FLII: variants seen among roughly 807,000 people sequenced by gnomAD.
FLII encodes protein flightless-1 homolog.
FLII carries 101 observed loss-of-function variants against 156.2 expected under a neutral mutation model. The ratio of observed to expected loss-of-function variants is 0.65; its 90% CI spans 0.55 to 0.76. FLII has a LOEUF of 0.76. FLII is among the 30% of genes least tolerant of loss of function. FLII has a pLI of 0.00. For missense variants in FLII, 1,675 were observed against 1,682.8 expected (o/e 1.00, Z 0.08); for synonymous variants, 767 against 685.8 (o/e 1.12, Z -1.85).
chr17:18,247,481 G>A, intron 20 of FLII, 124 bp from the exon 21 acceptor site: 1 of 1,106,428 alleles, frequency 9.0e-7, no homozygotes. Context: ...CGGGGCCTCG[G>A]ACACGGAGGT....
intron 18 of FLII, 100 bp downstream of exon 18, chr17:18,248,450 C>G (rs539682687): frequency 1.7e-6 from 2 of 1,159,406 alleles, no homozygotes; most frequent in Non-Finnish European, 1.2e-6. Context: ...CCACCAAAGT[C>G]GAGATGGAGC....
chr17:18,258,222 G>A lies in FLII; in HGVS notation c.63+406C>T, dbSNP rs1389935280. 6.6e-6 allele frequency among the ~76,000 whole-genome samples: 1 copy of A among 152,210 alleles called. No individual in the cohort carries two copies. Among genetic ancestry groups the A allele is most frequent in the Non-Finnish European group, 1.5e-5 (1 of 68,018 alleles). ...GGTGGCGGGGAGAGGGCAGTGATGA[G>A]TCGGCTCCACACCCGCCCCTGGGCA... is the stretch of plus-strand genomic sequence containing the variant. On this transcript the variant is annotated intron_variant, in intron 1 of 29. Transcript: ENST00000327031. The surrounding 1 kb of genome is among the most constrained non-coding windows in gnomAD (Gnocchi z 4.2).
rs778949980 is a variant in FLII at position 18,247,156 on chromosome 17, G to A, written c.2676+13C>T. The stretch of plus-strand genomic sequence containing the variant: ...CCCCCCCCCCCGCGCCCCGGTCCCG[G>A]CCCTGCCCCCACCTCGGCCAGCGAC... On this transcript the variant is annotated intron_variant, in intron 21 of 29. Coordinates refer to ENST00000327031, the MANE Select transcript of FLII (RefSeq NM_002018.4). 1.8e-6 allele frequency: 2 copies of A among 1,129,276 alleles called. No individual in the cohort carries two copies. Among genetic ancestry groups the A allele is most frequent in the Admixed American group, 2.8e-5 (1 of 35,894 alleles). The allele number at this position is 1,129,276 out of a possible 1,614,324, so 70.0% of individuals were successfully genotyped here.
rs574853482 is a variant in FLII at position 18,258,352 on chromosome 17, C to T, written c.63+276G>A. The T allele has an allele frequency of 1.0e-4, 83 of 804,262 alleles. 2 individuals carry two copies. In the South Asian group the frequency reaches 1.4e-3, roughly 14 times the overall value. The allele number at this position is 804,262 out of a possible 1,614,324, so 49.8% of individuals were successfully genotyped here. A position where few individuals can be genotyped will look rare whatever the true frequency, so the allele number is the denominator to read the frequency against. On this transcript the variant is annotated intron_variant, in intron 1 of 29. Transcript: ENST00000327031. This position sits in a 1 kb window ranked among gnomAD's most constrained non-coding sequence, Gnocchi z 4.2. ...GCCACCATCCAGCCTAGACCGAGAA[C>T]ACGGACGCGGGGTGGGGGCTCCCGG... is the stretch of plus-strand genomic sequence containing the variant.
chr17:18,256,800 C>A, intron 2 of FLII, 109 bp downstream of exon 2: 1 of 827,782 alleles, frequency 1.2e-6, no homozygotes, highest in South Asian at 1.6e-5. Context: ...CAGCTCTGCT[C>A]ATAGCTGTCG....
At chr17:18,252,838 G>A (rs1368833209) in intron 9 of FLII, among the ~76,000 whole-genome samples, 1 of 152,224 alleles carries the variant, frequency 6.6e-6, no homozygotes, top group Non-Finnish European at 1.5e-5. Flanking sequence ...GGAATGGCTG[G>A]CATGGGACTG....
Position 18,258,704 on chromosome 17 carries a change from CTGCCGGGCCGCGCCGG to C in FLII, c.-30_-15del. 4.1e-6 allele frequency: 6 copies of C among 1,466,258 alleles called. No homozygotes were observed. Among genetic ancestry groups the C allele is most frequent in the Non-Finnish European group, 5.4e-6 (6 of 1,114,788 alleles). The allele number at this position is 1,466,258 out of a possible 1,614,324, so 90.8% of individuals were successfully genotyped here. A position where few individuals can be genotyped will look rare whatever the true frequency, so the allele number is the denominator to read the frequency against. The stretch of plus-strand genomic sequence containing the variant: ...GGTGGCCTCCATGGCGCCGCTCTCG[CTGCCGGGCCGCGCCGG>C]GCTAGGGAGCGCCGGGGCGAGGGCG... On this transcript the variant is annotated 5_prime_UTR_variant, in exon 1 of 30. Coordinates refer to ENST00000327031, the MANE Select transcript of FLII (RefSeq NM_002018.4). This position sits in a 1 kb window ranked among gnomAD's most constrained non-coding sequence, Gnocchi z 4.2.
intron 12 of FLII, 74 bp from the exon 13 acceptor site, chr17:18,251,551 C>A: frequency 1.3e-6 from 2 of 1,566,588 alleles, no homozygotes; most frequent in South Asian, 1.2e-5. Flanking sequence ...CTACCCACAC[C>A]TCAGGGCCTT....
chr17:18,247,960 G>T lies in FLII; in HGVS notation c.2264C>A (p.Pro755His). The T allele has an allele frequency of 6.2e-7, 1 of 1,614,170 alleles. No homozygotes were observed. The highest frequency in any genetic ancestry group is 8.5e-7 in the Non-Finnish European group (1 of 1,180,002). ...CATTCTTGGCATCAGCTCCACCTTG[G>T]GACGCTGCTTATGTTCCACGGAGAG... ...YKLSVEHKQR[P>H]KVELMPRMRL... is the part of the protein sequence containing the mutation. The change falls in exon 19 of 30, where the codon CCC becomes CAC. Residue 755 changes from proline to histidine, a missense_variant. Transcript: ENST00000327031.
In FLII at chr17:18,248,160, C is replaced by T. The variant is rs1597904296; in HGVS notation, c.2191-127G>A. The T allele has an allele frequency of 7.8e-6, 5 of 642,798 alleles. No individual in the cohort carries two copies. The East Asian group carries it at 1.4e-4, about 18-fold the overall frequency. 39.8% of individuals were successfully genotyped at this position (642,798 alleles called of 1,614,324 possible). On this transcript the variant is annotated intron_variant, in intron 18 of 29. Coordinates refer to ENST00000327031, the MANE Select transcript of FLII (RefSeq NM_002018.4). ...ACTGACTGCTTCTGTTTCCCCCTCC[C>T]CTTCAAGGTCTTTTTAGGGATATCC... is the stretch of plus-strand genomic sequence containing the variant.
chr17:18,249,245 T>A, intron 15 of FLII, 44 bp from the exon 16 acceptor site: 1 of 1,611,028 alleles, frequency 6.2e-7, no homozygotes, highest in Non-Finnish European at 8.5e-7. Flanking sequence ...ACCAAGGGCC[T>A]AACTTAGCCC....
At position 18,246,227 on chromosome 17, in the gene FLII, G is replaced by A; in HGVS notation, c.3207-5C>T. 5 of 1,614,068 alleles carry A rather than the reference G, an allele frequency of 3.1e-6. No homozygotes were observed. The highest frequency in any genetic ancestry group is 4.2e-6 in the Non-Finnish European group (5 of 1,179,990). On this transcript the variant is annotated splice_region_variant and splice_polypyrimidine_tract_variant and intron_variant, in intron 24 of 29. Transcript: ENST00000327031. ...TCGGTGTTGATCTGGATGCACCTGT[G>A]GAAGGGATGGGGCATCAGCAAGGAT... is the stretch of plus-strand genomic sequence containing the variant.
In FLII at chr17:18,257,036, A is replaced by T. The variant is rs761994074; in HGVS notation, c.64-17T>A. On this transcript the variant is annotated splice_polypyrimidine_tract_variant and intron_variant, in intron 1 of 29. Coordinates refer to ENST00000327031, the MANE Select transcript of FLII (RefSeq NM_002018.4). ...GTAGCCGCCCTGGGGGAAGGATGTC[A>T]AGGTGAAGCACAGAGCCCCTGCTCA... is the stretch of plus-strand genomic sequence containing the variant. 3.9e-6 allele frequency: 6 copies of T among 1,555,486 alleles called. No homozygotes were observed. The highest frequency in any genetic ancestry group is 5.3e-6 in the Non-Finnish European group (6 of 1,139,698).
chr17:18,248,559 C>A lies in FLII; in HGVS notation c.2181G>T (p.Lys727Asn). 6.2e-7 allele frequency: 1 copy of A among 1,609,502 alleles called. No homozygotes were observed. Among genetic ancestry groups the A allele is most frequent in the Non-Finnish European group, 8.5e-7 (1 of 1,178,316 alleles). ...VPEDFWPPQPKLYKVGLGLGY... is the reference protein window; with the variant it reads ...VPEDFWPPQPNLYKVGLGLGY... Reference sequence around the variant, plus strand: ...CAGCAGCAGGGCTCACCTTGTACAGCTTGGGCTGCGGCGGCCAGAAGTCTT... The same window carrying A: ...CAGCAGCAGGGCTCACCTTGTACAGATTGGGCTGCGGCGGCCAGAAGTCTT... Residue 727 changes from lysine to asparagine, a missense_variant, in exon 18 of 30, where the codon AAG (lysine) becomes AAT (asparagine). Around this residue, in one of 2 missense-constraint regions of FLII, gnomAD observed 1,332 missense variants for 1,269.3 expected, o/e 1.05. Coordinates refer to ENST00000327031, the MANE Select transcript of FLII (RefSeq NM_002018.4).
chr17:18,245,034 C>G lies in FLII; in HGVS notation c.*104G>C, dbSNP rs750759339. 1 of 1,301,314 alleles carries G rather than the reference C, an allele frequency of 7.7e-7. No homozygotes were observed. The highest frequency in any genetic ancestry group is 2.3e-5 in the East Asian group (1 of 43,000). 80.6% of individuals were successfully genotyped at this position (1,301,314 alleles called of 1,614,324 possible). A position where few individuals can be genotyped will look rare whatever the true frequency, so the allele number is the denominator to read the frequency against. On this transcript the variant is annotated 3_prime_UTR_variant, in exon 30 of 30. Transcript: ENST00000327031. ...GGCTACTGGGGACTGTGGCACTGGA[C>G]GTGGCTGGAGCAGGTGGTGTCACCT... is the stretch of plus-strand genomic sequence containing the variant.
Position 18,247,452 on chromosome 17 carries a change from T to C in FLII, c.2488-95A>G. On this transcript the variant is annotated intron_variant, in intron 20 of 29. Transcript: ENST00000327031. ...CTTGAGGCGGGACCCAAGGGAGATC[T>C]AGGGCGGGGCTTGGGAGGCGGGGCC... 14 of 1,285,154 alleles carry C rather than the reference T, an allele frequency of 1.1e-5. No homozygotes were observed. In the South Asian group the frequency reaches 1.8e-4, roughly 17 times the overall value. The allele number at this position is 1,285,154 out of a possible 1,614,324, so 79.6% of individuals were successfully genotyped here. A position where few individuals can be genotyped will look rare whatever the true frequency, so the allele number is the denominator to read the frequency against.
At position 18,258,462 on chromosome 17, in the gene FLII, G is replaced by C; in HGVS notation, c.63+166C>G. On this transcript the variant is annotated intron_variant, in intron 1 of 29. Transcript: ENST00000327031. The surrounding 1 kb of genome is among the most constrained non-coding windows in gnomAD (Gnocchi z 4.2). ...CTCCCCGTACAGGCACTGGGCGGAGGCCTCGGAGGTCCATTCCTGGCCAGG... is the reference window on the plus strand; with the variant it reads ...CTCCCCGTACAGGCACTGGGCGGAGCCCTCGGAGGTCCATTCCTGGCCAGG... The C allele has an allele frequency of 2.0e-6, 3 of 1,510,096 alleles. No individual in the cohort carries two copies. The highest frequency in any genetic ancestry group is 2.6e-6 in the Non-Finnish European group (3 of 1,135,378). The allele number at this position is 1,510,096 out of a possible 1,614,324, so 93.5% of individuals were successfully genotyped here. A position where few individuals can be genotyped will look rare whatever the true frequency, so the allele number is the denominator to read the frequency against.
Position 18,249,328 on chromosome 17 carries a change from G to A in FLII, c.1857C>T (p.Thr619=). The A allele has an allele frequency of 6.2e-7, 1 of 1,613,768 alleles. No individual in the cohort carries two copies. Among genetic ancestry groups the A allele is most frequent in the Non-Finnish European group, 8.5e-7 (1 of 1,179,694 alleles). The part of the protein sequence containing the change: ...FYTVEDTHYV[T]RMYRVYGKKN... ...CCCCACTGCCCACACACCCTCACCTGGTGACATAGTGTGTGTCTTCCACAG... is the reference window on the plus strand; with the variant it reads ...CCCCACTGCCCACACACCCTCACCTAGTGACATAGTGTGTGTCTTCCACAG... The change falls in exon 15 of 30, where the codon ACC becomes ACT. Residue 619 remains threonine, a splice_region_variant and synonymous_variant. Coordinates refer to ENST00000327031, the MANE Select transcript of FLII (RefSeq NM_002018.4).
At chr17:18,252,981 T>C (rs2048314270) in intron 9 of FLII, among the ~76,000 whole-genome samples, 1 of 151,816 alleles carries the variant, frequency 6.6e-6, no homozygotes, top group Non-Finnish European at 1.5e-5. Flanking sequence ...TGAGACCCCA[T>C]CTCTACTAAA....
Sources: allele counts gnomAD v4.1 joint callset (sites outside exome capture counted in the v4.1 genomes callset), GRCh38; gene constraint gnomAD v4.1.1; regional missense constraint gnomAD v4.1.1; non-coding constraint Gnocchi (gnomAD v3.1); transcripts MANE v1.5; gene names NCBI Gene and HGNC (gene_info 2026-07-23, HGNC 2026-07-21).